KCNN2: variants seen among roughly 807,000 people sequenced by gnomAD.
KCNN2 encodes the protein small conductance calcium-activated potassium channel protein 2.
KCNN2 carries 24 observed loss-of-function variants against 55.5 expected under a neutral mutation model. That is an observed-to-expected ratio of 0.43 (90% CI 0.31 to 0.61). The LOEUF (loss-of-function observed/expected upper bound fraction) is 0.61, where lower values mean the gene tolerates loss of function less well. KCNN2 is among the 20% of genes least tolerant of loss of function. The pLI is 0.08. For missense variants in KCNN2, 754 were observed against 853.6 expected (o/e 0.88, Z 1.45); for synonymous variants, 431 against 336.1 (o/e 1.28, Z -3.09).
chr5:114,433,293 CTG>C (rs1561380810), intron 3 of KCNN2, among the ~76,000 whole-genome samples: 3 of 152,182 alleles, frequency 2.0e-5, no homozygotes, highest in Admixed American at 6.5e-5. Flanking sequence ...CCAATCGACA[CTG>C]TATCTAGCTA....
intron 2 of KCNN2, among the ~76,000 whole-genome samples, chr5:114,301,778 G>T (rs1756166817): frequency 6.6e-6 from 1 of 152,192 alleles, no homozygotes; most frequent in South Asian, 2.1e-4. Context: ...GCACTGGACA[G>T]ATTTGAGCCC....
intron 1 of KCNN2, among the ~76,000 whole-genome samples, chr5:114,143,051 T>C (rs563977052): frequency 4.1e-4 from 63 of 151,862 alleles, no homozygotes; most frequent in Non-Finnish European, 8.4e-4. Context: ...GCACACAAGA[T>C]AGTGAAAGCT....
intron 1 of KCNN2, among the ~76,000 whole-genome samples, chr5:114,136,230 A>G (rs1187612482): frequency 6.6e-6 from 1 of 152,188 alleles, no homozygotes; most frequent in Non-Finnish European, 1.5e-5. Context: ...CATCATGAAG[A>G]CTAATGCTAT....
At chr5:114,152,530 CTT>C (rs1752549043) in intron 1 of KCNN2, among the ~76,000 whole-genome samples, 1 of 152,176 alleles carries the variant, frequency 6.6e-6, no homozygotes, top group Admixed American at 6.5e-5. Flanking sequence ...TTGACTGTGA[CTT>C]AGCCCTATGT....
At chr5:114,303,916 A>C (rs937295437) in intron 2 of KCNN2, among the ~76,000 whole-genome samples, 1 of 152,212 alleles carries the variant, frequency 6.6e-6, no homozygotes, top group African/African-American at 2.4e-5. Flanking sequence ...TCAATTCTAT[A>C]CACAGCAGAG....
intron 1 of KCNN2, among the ~76,000 whole-genome samples, chr5:114,214,858 A>G (rs1159186648): frequency 6.6e-6 from 1 of 152,180 alleles, no homozygotes; most frequent in Non-Finnish European, 1.5e-5. Flanking sequence ...CCTCAATGTT[A>G]ATCGAAAAGA....
intron 2 of KCNN2, among the ~76,000 whole-genome samples, chr5:114,387,042 C>T (rs980357444): frequency 4.6e-5 from 7 of 152,152 alleles, no homozygotes; most frequent in Admixed American, 2.6e-4. Context: ...AAAATGGAGC[C>T]TAACTTGTGT....
At chr5:114,366,944 A>G (rs1757619647) in intron 2 of KCNN2, among the ~76,000 whole-genome samples, 1 of 152,228 alleles carries the variant, frequency 6.6e-6, no homozygotes, top group Admixed American at 6.5e-5. Context: ...TGATAATCAG[A>G]TAGTAAAAGC....
At chr5:114,356,246 G>A (rs2150041971) in intron 2 of KCNN2, among the ~76,000 whole-genome samples, 1 of 152,126 alleles carries the variant, frequency 6.6e-6, no homozygotes, top group East Asian at 1.9e-4. Flanking sequence ...GTAAAACGGA[G>A]TTGATGATAA....
Position 114,404,421 on chromosome 5 carries a change from C to T in KCNN2, c.1219-17C>T. ...TTCATGCCATACTGAAGCTGATTTTCTACTTTATTTTTTCAGTTGTTCATG... is the reference window on the plus strand; with the variant it reads ...TTCATGCCATACTGAAGCTGATTTTTTACTTTATTTTTTCAGTTGTTCATG... On this transcript the variant is annotated splice_polypyrimidine_tract_variant and intron_variant, in intron 2 of 7. Transcript: ENST00000673685. The T allele has an allele frequency of 1.2e-6, 2 of 1,601,998 alleles. No individual in the cohort carries two copies. The highest frequency in any genetic ancestry group is 1.7e-6 in the Non-Finnish European group (2 of 1,172,780).
chr5:114,090,685 A>G (rs1751125296), intron 1 of KCNN2, among the ~76,000 whole-genome samples: 1 of 152,108 alleles, frequency 6.6e-6, no homozygotes, highest in Non-Finnish European at 1.5e-5. Context: ...ATAGAGCTTT[A>G]TGGCTTAAAA....
At chr5:114,493,534 C>T (rs1417842500) in intron 7 of KCNN2, 62 bp downstream of exon 7, 1 of 1,113,092 alleles carries the variant, frequency 9.0e-7, no homozygotes, top group African/African-American at 1.5e-5. Context: ...TTCACAGTCA[C>T]TAATCATGAA....
rs530125909 is a variant in KCNN2 at position 114,445,021 on chromosome 5, T to C, written c.1638-18028T>C. Among the ~76,000 whole-genome samples, 3 of 152,338 alleles carry C rather than the reference T, an allele frequency of 2.0e-5. No homozygotes were observed. The South Asian group carries it at 6.2e-4, about 32-fold the overall frequency. On this transcript the variant is annotated intron_variant, in intron 3 of 7. Transcript: ENST00000673685. ...CACAAAGTTTAGATGGGTTCATGATTTGTATATGATGGGAGGTCACAATTC... is the reference window on the plus strand; with the variant it reads ...CACAAAGTTTAGATGGGTTCATGATCTGTATATGATGGGAGGTCACAATTC...
chr5:114,280,223 G>T (rs1267210107), intron 2 of KCNN2, among the ~76,000 whole-genome samples: 2 of 152,182 alleles, frequency 1.3e-5, no homozygotes, highest in African/African-American at 4.8e-5. Flanking sequence ...TGGGTAGATT[G>T]TAAAAATTTT....
At chr5:114,410,971 C>T (rs1759112396) in intron 3 of KCNN2, among the ~76,000 whole-genome samples, 1 of 152,098 alleles carries the variant, frequency 6.6e-6, no homozygotes, top group Admixed American at 6.5e-5. Flanking sequence ...CATAATGCAA[C>T]TTTTGAATAC....
At chr5:114,432,141 G>A (rs908668499) in intron 3 of KCNN2, among the ~76,000 whole-genome samples, 4 of 152,132 alleles carry the variant, frequency 2.6e-5, no homozygotes, top group African/African-American at 7.2e-5. Flanking sequence ...TCTGCCTGTT[G>A]GATCTATGAA....
chr5:114,135,449 C>A (rs921458545), intron 1 of KCNN2, among the ~76,000 whole-genome samples: 23 of 152,184 alleles, frequency 1.5e-4, no homozygotes, highest in African/African-American at 5.1e-4. Context: ...GACCCCCCAA[C>A]CCGACTCCAA....
chr5:114,227,776 T>C (rs1228237220), intron 2 of KCNN2, among the ~76,000 whole-genome samples: 1 of 152,122 alleles, frequency 6.6e-6, no homozygotes, highest in Non-Finnish European at 1.5e-5. Context: ...TCCTTACCTG[T>C]AAAGAAGGAT....
chr5:114,422,896 A>T (rs1158329979), intron 3 of KCNN2, among the ~76,000 whole-genome samples: 1 of 152,240 alleles, frequency 6.6e-6, no homozygotes, highest in Non-Finnish European at 1.5e-5. Flanking sequence ...CTTTTATAAT[A>T]AGTTTTATCA....
Sources: allele counts gnomAD v4.1 joint callset (sites outside exome capture counted in the v4.1 genomes callset), GRCh38; gene constraint gnomAD v4.1.1; transcripts MANE v1.5; gene names NCBI Gene and HGNC (gene_info 2026-07-23, HGNC 2026-07-21).